IQSEC1: variants seen among roughly 807,000 people sequenced by gnomAD.
The protein encoded by IQSEC1 is IQ motif and SEC7 domain-containing protein 1.
Under a neutral mutation model 91.0 loss-of-function variants are expected in IQSEC1, and 31 were observed. That is an observed-to-expected ratio of 0.34 (90% confidence interval 0.26 to 0.46). The LOEUF (loss-of-function observed/expected upper bound fraction) is 0.46, where lower values mean the gene tolerates loss of function less well. Ranked by LOEUF, IQSEC1 falls within the 20% of genes least tolerant of loss-of-function variation. The pLI is 1.00. For missense variants in IQSEC1, 1,388 were observed against 1,575.6 expected, an observed-to-expected ratio of 0.88 and a Z score of 2.02; for synonymous variants, 699 against 662.6, an observed-to-expected ratio of 1.05 and a Z score of -0.84.
rs1694053529 is a variant in IQSEC1 at position 12,899,881 on chromosome 3, T to C, written c.*1102A>G. On this transcript the variant is annotated 3_prime_UTR_variant, in exon 14 of 14. Transcript: ENST00000613206. Reference sequence around the variant, plus strand: ...CGAGGATGAGAGCTGGTCACTTTCATGTTGGAGATGAACACTTCTGCCGTG... The same window carrying C: ...CGAGGATGAGAGCTGGTCACTTTCACGTTGGAGATGAACACTTCTGCCGTG... The C allele has an allele frequency of 5.1e-6, 5 of 984,888 alleles. No individual in the cohort carries two copies. The highest frequency in any genetic ancestry group is 4.7e-5 in the South Asian group (1 of 21,242). 61.0% of individuals were successfully genotyped at this position (984,888 alleles called of 1,614,324 possible).
At chr3:13,192,623 T>C (rs1694056399) in intron 1 of IQSEC1, among the ~76,000 whole-genome samples, 1 of 152,174 alleles carries the variant, frequency 6.6e-6, no homozygotes, top group African/African-American at 2.4e-5. Flanking sequence ...GTATTCTCCC[T>C]CGGGGCCCCA....
At chr3:13,106,333 T>G (rs1365753436) in intron 2 of IQSEC1, among the ~76,000 whole-genome samples, 1 of 152,172 alleles carries the variant, frequency 6.6e-6, no homozygotes, top group Non-Finnish European at 1.5e-5. Context: ...ACTGCCTGCT[T>G]GGCAGCTCCT....
At chr3:13,069,068 C>T (rs578098493) in intron 1 of IQSEC1, among the ~76,000 whole-genome samples, 1 of 152,376 alleles carries the variant, frequency 6.6e-6, no homozygotes, top group South Asian at 2.1e-4. Context: ...TAACCAGGAC[C>T]TGCCCAGTGG....
At chr3:13,143,842 T>G (rs1309486435) in intron 2 of IQSEC1, among the ~76,000 whole-genome samples, 1 of 152,212 alleles carries the variant, frequency 6.6e-6, no homozygotes, top group Non-Finnish European at 1.5e-5. Flanking sequence ...AACACCCAGA[T>G]GCAGCCTTGC....
intron 1 of IQSEC1, among the ~76,000 whole-genome samples, chr3:13,228,087 G>T (rs1176752655): frequency 6.6e-6 from 1 of 152,104 alleles, no homozygotes; most frequent in Non-Finnish European, 1.5e-5. Flanking sequence ...TTACTCTCCT[G>T]ACCTCCAGGC....
intron 1 of IQSEC1, among the ~76,000 whole-genome samples, chr3:13,017,817 T>A (rs1016049975): frequency 1.1e-4 from 17 of 151,826 alleles, no homozygotes; most frequent in African/African-American, 3.9e-4. Flanking sequence ...CATAAGGGAA[T>A]TTATGTGTGC....
At chr3:12,942,560 G>T (rs1052611042) in intron 1 of IQSEC1, among the ~76,000 whole-genome samples, 1 of 151,732 alleles carries the variant, frequency 6.6e-6, no homozygotes, top group Non-Finnish European at 1.5e-5. Context: ...CCAAGATTGC[G>T]CCACTGCACT....
chr3:13,127,958 A>C (rs551875534), intron 2 of IQSEC1, among the ~76,000 whole-genome samples: 1 of 152,116 alleles, frequency 6.6e-6, no homozygotes, highest in Non-Finnish European at 1.5e-5. Flanking sequence ...TTGATTTCTA[A>C]ATTTTTGCTG....
chr3:13,012,803 T>C (rs1199309814), intron 1 of IQSEC1, among the ~76,000 whole-genome samples: 1 of 152,130 alleles, frequency 6.6e-6, no homozygotes, highest in Non-Finnish European at 1.5e-5. Flanking sequence ...CAGGAGGCAA[T>C]GAAACCCCTT....
chr3:13,180,853 T>C (rs983299395), intron 1 of IQSEC1, among the ~76,000 whole-genome samples: 4 of 151,598 alleles, frequency 2.6e-5, no homozygotes, highest in African/African-American at 9.7e-5. Context: ...CCGAACACAT[T>C]CGAACATCAG....
intron 2 of IQSEC1, 95 bp downstream of exon 2, chr3:12,941,476 G>T: frequency 2.4e-6 from 3 of 1,272,898 alleles, no homozygotes; most frequent in African/African-American, 1.5e-5. Context: ...TCAAGTCTAT[G>T]GGAGAGATCT....
At chr3:13,075,221 A>G (rs1204810815), upstream of IQSEC1, among the ~76,000 whole-genome samples, 1 of 152,170 alleles carries the variant, frequency 6.6e-6, no homozygotes, top group African/African-American at 2.4e-5. Flanking sequence ...CTGCATCAGG[A>G]GGGCTCACTT....
intron 1 of IQSEC1, among the ~76,000 whole-genome samples, chr3:13,184,729 G>C (rs768526450): frequency 1.2e-4 from 19 of 152,234 alleles, no homozygotes; most frequent in Non-Finnish European, 2.4e-4. Flanking sequence ...TGCTGGAACT[G>C]TTAAGTGTGC....
intron 4 of IQSEC1, among the ~76,000 whole-genome samples, chr3:12,923,084 C>T (rs951987985): frequency 2.0e-5 from 3 of 152,074 alleles, no homozygotes; most frequent in Non-Finnish European, 4.4e-5. Context: ...GGGCAACAGC[C>T]TTGGAGGTGA....
At chr3:13,043,289 C>T (rs1044985796) in intron 1 of IQSEC1, among the ~76,000 whole-genome samples, 2 of 152,122 alleles carry the variant, frequency 1.3e-5, no homozygotes, top group African/African-American at 4.8e-5. Flanking sequence ...GAGTCCCTGG[C>T]CCACCCTCAC....
chr3:13,047,589 A>T (rs931173999), intron 1 of IQSEC1: 1 of 839,492 alleles, frequency 1.2e-6, no homozygotes, highest in African/African-American at 1.8e-5. Flanking sequence ...CTTGGGGGCC[A>T]TGTCCACTCA....
At chr3:13,196,328 G>A (rs1047025554) in intron 1 of IQSEC1, among the ~76,000 whole-genome samples, 4 of 152,188 alleles carry the variant, frequency 2.6e-5, no homozygotes, top group African/African-American at 4.8e-5. Flanking sequence ...AGCTGGTGCC[G>A]CAGACGTTGT....
chr3:13,006,859 C>G (rs748487749), intron 1 of IQSEC1, among the ~76,000 whole-genome samples: 2 of 152,344 alleles, frequency 1.3e-5, no homozygotes, highest in Non-Finnish European at 2.9e-5. Flanking sequence ...GACAGGCCGT[C>G]TTTGGCAGAT....
chr3:13,177,003 A>T (rs1056462510), intron 1 of IQSEC1, among the ~76,000 whole-genome samples: 2 of 152,220 alleles, frequency 1.3e-5, no homozygotes, highest in African/African-American at 2.4e-5. Context: ...AAACAGGTGA[A>T]ACTATAGAGA....
Sources: gnomAD v4.1 joint callset for allele counts (sites outside exome capture counted in the v4.1 genomes callset) on GRCh38, gnomAD v4.1.1 for gene constraint, MANE v1.5 for transcripts, NCBI Gene and HGNC (gene_info 2026-07-23, HGNC 2026-07-21) for gene names.